TBC1D31: variants seen among roughly 807,000 people sequenced by gnomAD.
The protein encoded by TBC1D31 is WD repeat domain 67.
In TBC1D31, 99 loss-of-function variants were observed where a neutral mutation model predicts 132.9. The ratio of observed to expected loss-of-function variants is 0.74; its 90% CI spans 0.63 to 0.88. TBC1D31 has a LOEUF of 0.88. TBC1D31 is among the 40% of genes least tolerant of loss of function. The pLI, the probability that TBC1D31 is intolerant of heterozygous loss-of-function variation, is 0.00. For missense variants in TBC1D31, 1,134 were observed against 1,256.6 expected (o/e 0.90, Z 1.48); for synonymous variants, 385 against 419.4 (o/e 0.92, Z 1.00).
intron 16 of TBC1D31, among the ~76,000 whole-genome samples, chr8:123,133,113 G>A (rs1158594362): frequency 6.6e-6 from 1 of 152,224 alleles, no homozygotes; most frequent in African/African-American, 2.4e-5. Context: ...AGCAGGAAAG[G>A]CTGCTTGAAT....
chr8:123,076,864 T>C (rs1814576729), intron 1 of TBC1D31, among the ~76,000 whole-genome samples: 1 of 152,220 alleles, frequency 6.6e-6, no homozygotes, highest in Admixed American at 6.5e-5. Context: ...ACCTGGCTTG[T>C]TCTGTGTCTG....
At chr8:123,110,493 C>T (rs899570989) in intron 10 of TBC1D31, among the ~76,000 whole-genome samples, 15 of 151,930 alleles carry the variant, frequency 9.9e-5, no homozygotes, top group African/African-American at 3.4e-4. Context: ...GTTCCAGAGC[C>T]GAAGACTTTT....
intron 4 of TBC1D31, among the ~76,000 whole-genome samples, chr8:123,092,165 C>T (rs1816390658): frequency 6.6e-6 from 1 of 152,084 alleles, no homozygotes; most frequent in Admixed American, 6.6e-5. Context: ...CAGGCGTCTG[C>T]CACCACACCC....
intron 5 of TBC1D31, 49 bp from the exon 6 acceptor site, chr8:123,097,231 TGC>T: frequency 6.2e-7 from 1 of 1,601,988 alleles, no homozygotes; most frequent in Non-Finnish European, 8.5e-7. Flanking sequence ...CGGACAGTGC[TGC>T]TACAAACAAT....
chr8:123,073,047 G>A (rs1205482299), intron 1 of TBC1D31, among the ~76,000 whole-genome samples: 3 of 152,224 alleles, frequency 2.0e-5, no homozygotes, highest in African/African-American at 7.2e-5. Context: ...GCGGGGGTCT[G>A]GTCCGGGACA....
intron 10 of TBC1D31, among the ~76,000 whole-genome samples, chr8:123,111,874 G>A (rs1296176995): frequency 6.6e-6 from 1 of 151,832 alleles, no homozygotes; most frequent in Non-Finnish European, 1.5e-5. Flanking sequence ...TGTTTTTTGA[G>A]ACAGGGCCTT....
chr8:123,129,117 T>G lies in TBC1D31; in HGVS notation c.2169T>G (p.Asp723Glu), dbSNP rs1243264768. The G allele has an allele frequency of 6.2e-7, 1 of 1,610,416 alleles. No homozygotes were observed. The highest frequency in any genetic ancestry group is 8.5e-7 in the Non-Finnish European group (1 of 1,177,442). ...AAGTCGACCAGCAAAGAGTTGAAGA[T>G]GAAGCTTGGTACCAGAAACAGGAGC... The part of the protein sequence containing the change: ...QAKVDQQRVE[D>E]EAWYQKQELL... Residue 723 changes from aspartate (D) to glutamate (E), a missense_variant, in exon 15 of 22, where the codon GAT becomes GAG. Physicochemically the swap from Asp to Glu is conservative, Grantham distance 45. Transcript: ENST00000287380.
chr8:123,156,953 TC>T (rs1288069529), downstream of TBC1D31, among the ~76,000 whole-genome samples: 4 of 149,960 alleles, frequency 2.7e-5, no homozygotes, highest in Non-Finnish European at 4.4e-5. Flanking sequence ...CACCCCCTCC[TC>T]CCCCCCGCGA....
At chr8:123,088,007 G>A (rs1380979435) in intron 4 of TBC1D31, among the ~76,000 whole-genome samples, 1 of 152,076 alleles carries the variant, frequency 6.6e-6, no homozygotes, top group Non-Finnish European at 1.5e-5. Flanking sequence ...TGGCCAACAT[G>A]GTGAAACCTC....
chr8:123,148,082 G>A (rs377081732), intron 20 of TBC1D31, among the ~76,000 whole-genome samples: 165 of 149,272 alleles, frequency 1.1e-3, no homozygotes, highest in African/African-American at 3.3e-3. Context: ...AGCCAAGATC[G>A]CACCACTGCA....
intron 5 of TBC1D31, among the ~76,000 whole-genome samples, chr8:123,095,977 A>G (rs1198557776): frequency 1.3e-5 from 2 of 152,180 alleles, no homozygotes; most frequent in Non-Finnish European, 2.9e-5. Flanking sequence ...CAAACCATAT[A>G]GCAAATTGGT....
At chr8:123,109,154 A>G (rs1818228534) in intron 8 of TBC1D31, among the ~76,000 whole-genome samples, 163 bp from the exon 9 acceptor site, 1 of 152,188 alleles carries the variant, frequency 6.6e-6, no homozygotes, top group African/African-American at 2.4e-5. Context: ...TGCATGCTCA[A>G]GAGAGGGAGA....
At chr8:123,101,654 C>T (rs1483743055) in intron 7 of TBC1D31, among the ~76,000 whole-genome samples, 1 of 152,068 alleles carries the variant, frequency 6.6e-6, no homozygotes, top group African/African-American at 2.4e-5. Flanking sequence ...ACCTCATGAT[C>T]CACCCACCTT....
chr8:123,161,362 C>T, the TBC1D31 span, among the ~76,000 whole-genome samples: 1 of 152,226 alleles, frequency 6.6e-6, no homozygotes, highest in Admixed American at 6.5e-5. Flanking sequence ...CCAGGCTGAA[C>T]GCGCTCCTTC....
chr8:123,110,375 C>T (rs1258080642), intron 10 of TBC1D31, among the ~76,000 whole-genome samples: 1 of 152,066 alleles, frequency 6.6e-6, no homozygotes, highest in Non-Finnish European at 1.5e-5. Context: ...CTTTAACCTG[C>T]TTTTCATGTG....
intron 7 of TBC1D31, chr8:123,102,554 AAT>A: frequency 3.5e-6 from 1 of 287,852 alleles, no homozygotes; most frequent in Non-Finnish European, 6.8e-6. Context: ...TATGTGTGTA[AAT>A]ATATATAGTC....
chr8:123,092,266 C>T (rs1226812786), intron 4 of TBC1D31, among the ~76,000 whole-genome samples: 1 of 152,128 alleles, frequency 6.6e-6, no homozygotes, highest in Non-Finnish European at 1.5e-5. Context: ...CCACCCACCT[C>T]AGCCTCCCAA....
intron 3 of TBC1D31, chr8:123,083,776 C>T (rs1332380332): frequency 1.3e-5 from 2 of 159,734 alleles, no homozygotes; most frequent in Non-Finnish European, 2.7e-5. Flanking sequence ...ATTACAGCAA[C>T]ATATAAATTA....
At chr8:123,148,730 A>G (rs1402878876) in intron 20 of TBC1D31, among the ~76,000 whole-genome samples, 2 of 152,038 alleles carry the variant, frequency 1.3e-5, no homozygotes, top group African/African-American at 4.8e-5. Flanking sequence ...TTTTGGAGTT[A>G]TTTCTGGCCA....
Sources: allele counts gnomAD v4.1 joint callset (sites outside exome capture counted in the v4.1 genomes callset), GRCh38; gene constraint gnomAD v4.1.1; transcripts MANE v1.5; gene names NCBI Gene and HGNC (gene_info 2026-07-23, HGNC 2026-07-21).